The following CPQ variants were observed in gnomAD, a reference collection of about 807,000 sequenced individuals.
CPQ encodes carboxypeptidase Q, also known as Ser-Met dipeptidase.
A neutral mutation model predicts 45.7 loss-of-function variants in CPQ; 37 were observed. That is an observed-to-expected ratio of 0.81 (90% CI 0.62 to 1.07). The LOEUF is 1.07. CPQ is among the 50% of genes least tolerant of loss of function. The pLI is 0.00. For synonymous variants in CPQ, 186 were observed against 205.8 expected, an observed-to-expected ratio of 0.90 and a Z score of 0.82; for missense variants, 537 against 572.9, an observed-to-expected ratio of 0.94 and a Z score of 0.64.
intron 5 of CPQ, among the ~76,000 whole-genome samples, chr8:96,976,755 C>T (rs1268901500): frequency 1.3e-5 from 2 of 151,912 alleles, no homozygotes; most frequent in East Asian, 1.9e-4. Context: ...GGAGAAAAGA[C>T]GCCTATTCAA....
chr8:96,930,167 A>G (rs1456103287), intron 4 of CPQ, among the ~76,000 whole-genome samples: 1 of 152,242 alleles, frequency 6.6e-6, no homozygotes, highest in Non-Finnish European at 1.5e-5. Context: ...ACATGAGCCC[A>G]AGATCAAGGA....
chr8:96,787,580 GA>G (rs1810788528), intron 2 of CPQ, among the ~76,000 whole-genome samples: 2 of 114,904 alleles, frequency 1.7e-5, no homozygotes, highest in Non-Finnish European at 3.3e-5. Flanking sequence ...CTGGCCTCAT[GA>G]AATCAGTGGC....
intron 4 of CPQ, among the ~76,000 whole-genome samples, chr8:96,961,982 GC>G (rs1247893162): frequency 6.6e-6 from 1 of 152,172 alleles, no homozygotes; most frequent in Non-Finnish European, 1.5e-5. Context: ...TAACAGAGGG[GC>G]TTGTCCTCAG....
At chr8:97,023,596 G>A (rs1448855280) in intron 5 of CPQ, among the ~76,000 whole-genome samples, 4 of 152,210 alleles carry the variant, frequency 2.6e-5, no homozygotes, top group Non-Finnish European at 5.9e-5. Context: ...ATGATTAACA[G>A]TGATTTTCCT....
At chr8:96,928,040 G>A (rs752132428) in intron 4 of CPQ, among the ~76,000 whole-genome samples, 1 of 152,178 alleles carries the variant, frequency 6.6e-6, no homozygotes, top group Non-Finnish European at 1.5e-5. Context: ...CTGAAAATAT[G>A]CAGGGCCAGA....
chr8:97,092,770 T>C (rs1811147400), intron 7 of CPQ: 4 of 152,130 alleles, frequency 2.6e-5, no homozygotes, highest in Admixed American at 2.6e-4. Context: ...TGGCAAAGAC[T>C]TCATGATGAA....
At chr8:96,958,156 A>G (rs1290374695) in intron 4 of CPQ, among the ~76,000 whole-genome samples, 1 of 151,984 alleles carries the variant, frequency 6.6e-6, no homozygotes, top group Non-Finnish European at 1.5e-5. Flanking sequence ...CTTTTCTAAA[A>G]TCCCACCCAC....
chr8:97,029,035 C>T (rs1439759675), intron 5 of CPQ, among the ~76,000 whole-genome samples: 1 of 152,100 alleles, frequency 6.6e-6, no homozygotes, highest in Non-Finnish European at 1.5e-5. Flanking sequence ...ATTGAAAGAC[C>T]CCACAATATG....
intron 6 of CPQ, among the ~76,000 whole-genome samples, chr8:97,036,075 T>C (rs1452477171): frequency 6.6e-6 from 1 of 152,180 alleles, no homozygotes; most frequent in African/African-American, 2.4e-5. Flanking sequence ...CTTTTTACCC[T>C]GCATGAGGTT....
At chr8:97,018,499 A>T (rs1284859398) in intron 5 of CPQ, among the ~76,000 whole-genome samples, 1 of 152,204 alleles carries the variant, frequency 6.6e-6, no homozygotes, top group Non-Finnish European at 1.5e-5. Context: ...ATGATACAAG[A>T]AGTGAAGGGA....
chr8:97,049,158 T>A (rs1810312295), intron 6 of CPQ, among the ~76,000 whole-genome samples: 1 of 152,210 alleles, frequency 6.6e-6, no homozygotes, highest in Admixed American at 6.5e-5. Flanking sequence ...AACCAGCAAT[T>A]CTGGACTTTA....
chr8:96,946,888 T>G (rs1475827576), intron 4 of CPQ, among the ~76,000 whole-genome samples: 2 of 152,172 alleles, frequency 1.3e-5, no homozygotes, highest in African/African-American at 2.4e-5. Flanking sequence ...AAGACCGTTT[T>G]CTGGCCGCTG....
At chr8:96,910,929 A>G (rs1040517571) in intron 4 of CPQ, among the ~76,000 whole-genome samples, 2 of 151,984 alleles carry the variant, frequency 1.3e-5, no homozygotes, top group South Asian at 2.1e-4. Flanking sequence ...GACTTTCCAT[A>G]TATGGGCTTC....
intron 7 of CPQ, among the ~76,000 whole-genome samples, chr8:97,076,143 A>G (rs1810841926): frequency 6.6e-6 from 1 of 152,144 alleles, no homozygotes; most frequent in Non-Finnish European, 1.5e-5. Context: ...CTCCTGCCTC[A>G]GCCTCCTGAG....
Position 96,854,558 on chromosome 8 carries a change from A to ACAC in CPQ, c.641+19378_641+19379insCAC, listed in dbSNP as rs1563513707. Reference sequence around the variant, plus strand: ...AAAAAAAAAAAAAAAAAAAAAAAAAAATGTGGTGGAACTAAAAGCCCAGTA... The same window carrying ACAC: ...AAAAAAAAAAAAAAAAAAAAAAAAAACACATGTGGTGGAACTAAAAGCCCAGTA... On this transcript the variant is annotated intron_variant, in intron 3 of 7. Coordinates refer to ENST00000220763, the MANE Select transcript of CPQ (RefSeq NM_016134.4). Among the ~76,000 whole-genome samples the ACAC allele has an allele frequency of 8.2e-4, 38 of 46,466 alleles. 7 individuals are homozygous for ACAC. The highest frequency in any genetic ancestry group is 1.3e-3 in the Non-Finnish European group (25 of 19,100). The allele number at this position is 46,466 out of a possible 152,430, so 30.5% of individuals were successfully genotyped here. A position where few individuals can be genotyped will look rare whatever the true frequency, so the allele number is the denominator to read the frequency against.
rs1812295580 is a variant in CPQ, at chr8:96,885,698, TA to T, written c.849+5698del. On this transcript the variant is annotated intron_variant, in intron 4 of 7. Transcript: ENST00000220763. ...CCTGGACCGAATTAACCACAGGCTT[TA>T]AAAAGATGCCAATAGGCCAGGCGTG... 2.0e-5 allele frequency among the ~76,000 whole-genome samples: 3 copies of T among 152,134 alleles called. 1 individual carries two copies. The South Asian group carries it at 6.2e-4, about 32-fold the overall frequency.
intron 2 of CPQ, among the ~76,000 whole-genome samples, chr8:96,818,138 T>C (rs1188545918): frequency 6.6e-6 from 1 of 151,884 alleles, no homozygotes; most frequent in Non-Finnish European, 1.5e-5. Context: ...TCAATGGTGT[T>C]GTATCTTAGG....
chr8:96,779,934 C>G (rs1017965416), intron 1 of CPQ, among the ~76,000 whole-genome samples: 6 of 152,110 alleles, frequency 3.9e-5, no homozygotes, highest in Non-Finnish European at 8.8e-5. Context: ...AGGGAAGCAG[C>G]AACAGTGTAT....
intron 5 of CPQ, among the ~76,000 whole-genome samples, chr8:96,982,260 G>A (rs1036297864): frequency 1.3e-4 from 20 of 152,094 alleles, no homozygotes; most frequent in African/African-American, 4.6e-4. Flanking sequence ...AACATTTCCC[G>A]ATTTTTTTAA....
Sources: allele counts gnomAD v4.1 joint callset (sites outside exome capture counted in the v4.1 genomes callset), GRCh38; gene constraint gnomAD v4.1.1; transcripts MANE v1.5; gene names NCBI Gene and HGNC (gene_info 2026-07-23, HGNC 2026-07-21).